The following MGAT4C variants were observed in gnomAD, a reference collection of about 807,000 sequenced individuals.
MGAT4C encodes MGAT4 family member C, also known as alpha-1,3-mannosyl-glycoprotein 4-beta-N-acetylglucosaminyltransferase C.
In MGAT4C, 19 loss-of-function variants were observed where a neutral mutation model predicts 40.1. The ratio of observed to expected loss-of-function variants is 0.47; its 90% confidence interval spans 0.33 to 0.70. The LOEUF (loss-of-function observed/expected upper bound fraction) is 0.70, where lower values mean the gene tolerates loss of function less well. Ranked by LOEUF, MGAT4C falls within the 30% of genes least tolerant of loss-of-function variation. The pLI is 0.02. For missense variants in MGAT4C, 491 were observed against 563.2 expected (o/e 0.87, Z 1.30); for synonymous variants, 181 against 187.1 (o/e 0.97, Z 0.27).
At chr12:86,765,322 A>T (rs988661323) in intron 1 of MGAT4C, among the ~76,000 whole-genome samples, 10 of 152,162 alleles carry the variant, frequency 6.6e-5, no homozygotes, top group Admixed American at 2.0e-4. Context: ...GAGAAAAAAG[A>T]ATAAAAAGAA....
At chr12:86,264,310 T>C (rs1031536906) in intron 4 of MGAT4C, among the ~76,000 whole-genome samples, 4 of 152,224 alleles carry the variant, frequency 2.6e-5, no homozygotes, top group African/African-American at 7.2e-5. Flanking sequence ...GCTTCAAGTC[T>C]TATGTTTATG....
intron 4 of MGAT4C, among the ~76,000 whole-genome samples, chr12:86,264,250 G>A (rs1952729994): frequency 6.6e-6 from 1 of 152,134 alleles, no homozygotes; most frequent in Non-Finnish European, 1.5e-5. Context: ...TATTTGCCTA[G>A]ACCAATATCC....
rs963942883 is a variant in MGAT4C at position 85,967,021 on chromosome 12, T to G, written c.*12268A>C. 1 of 152,162 alleles carries G rather than the reference T, an allele frequency of 6.6e-6. No individual in the cohort carries two copies. The highest frequency in any genetic ancestry group is 2.4e-5 in the African/African-American group (1 of 41,436). 9.4% of individuals were successfully genotyped at this position (152,162 alleles called of 1,614,324 possible). A position where few individuals can be genotyped will look rare whatever the true frequency, so the allele number is the denominator to read the frequency against. On this transcript the variant is annotated 3_prime_UTR_variant, in exon 5 of 5. Coordinates refer to ENST00000611864, the MANE Select transcript of MGAT4C (RefSeq NM_001351288.2). ...GTAACAAACCTGCAAGTTGTGCACA[T>G]GTACCCTAAAACTTAAAGTATAATA...
At chr12:86,015,586 G>A (rs553312170) in intron 2 of MGAT4C, 1 of 152,238 alleles carries the variant, frequency 6.6e-6, no homozygotes, top group East Asian at 1.9e-4. Flanking sequence ...GTAAGTCTGG[G>A]ATTGCTTGAG....
chr12:86,755,593 T>A, intron 1 of MGAT4C, among the ~76,000 whole-genome samples: 1 of 151,726 alleles, frequency 6.6e-6, no homozygotes, highest in African/African-American at 2.4e-5. Flanking sequence ...CTTTTCTTTC[T>A]CTCTTTCTCT....
intron 2 of MGAT4C, among the ~76,000 whole-genome samples, chr12:86,534,043 T>C (rs529352094): frequency 3.3e-5 from 5 of 152,208 alleles, no homozygotes; most frequent in East Asian, 1.9e-4. Context: ...TTGATATATA[T>C]TGAAATGGCC....
chr12:86,478,006 T>C (rs374380483), intron 2 of MGAT4C, among the ~76,000 whole-genome samples: 2 of 151,880 alleles, frequency 1.3e-5, no homozygotes, highest in East Asian at 3.9e-4. Context: ...CTACTTTACT[T>C]CCGAATTTTC....
chr12:86,700,887 TATTG>T (rs1033660581), intron 2 of MGAT4C, among the ~76,000 whole-genome samples: 11 of 152,136 alleles, frequency 7.2e-5, no homozygotes, highest in African/African-American at 2.4e-4. Context: ...AATTAAGCTT[TATTG>T]ATAGTAGAGA....
intron 4 of MGAT4C, among the ~76,000 whole-genome samples, chr12:86,327,966 ATGT>A (rs1306240071): frequency 6.6e-6 from 1 of 152,054 alleles, no homozygotes; most frequent in Non-Finnish European, 1.5e-5. Flanking sequence ...AGATAGCAAA[ATGT>A]TGTTGCATTG....
At chr12:86,062,174 A>G (rs1894050867) in intron 1 of MGAT4C, among the ~76,000 whole-genome samples, 1 of 152,186 alleles carries the variant, frequency 6.6e-6, no homozygotes, top group African/African-American at 2.4e-5. Flanking sequence ...CTTCCAGAGA[A>G]AGTAACAGGC....
At chr12:86,827,272 C>G (rs1445049664) in intron 1 of MGAT4C, among the ~76,000 whole-genome samples, 1 of 151,370 alleles carries the variant, frequency 6.6e-6, no homozygotes, top group Non-Finnish European at 1.5e-5. Context: ...AATTAGAATG[C>G]AAAATCCTTT....
At chr12:85,985,842 T>C (rs1251521000) in intron 3 of MGAT4C, among the ~76,000 whole-genome samples, 2 of 152,174 alleles carry the variant, frequency 1.3e-5, no homozygotes, top group South Asian at 2.1e-4. Context: ...TTAATAGTAA[T>C]GTAGTGATGT....
At chr12:86,735,260 C>T (rs572100006) in intron 1 of MGAT4C, among the ~76,000 whole-genome samples, 1 of 151,812 alleles carries the variant, frequency 6.6e-6, no homozygotes, top group African/African-American at 2.4e-5. Context: ...AGGGAGATGA[C>T]TAATCCCGAG....
chr12:86,404,950 A>C (rs1455333346), intron 3 of MGAT4C, among the ~76,000 whole-genome samples: 3 of 152,078 alleles, frequency 2.0e-5, no homozygotes, highest in African/African-American at 7.2e-5. Flanking sequence ...ACTTCCTTGG[A>C]TCTTCCTAGT....
chr12:86,124,597 T>C (rs892625211), intron 1 of MGAT4C, among the ~76,000 whole-genome samples: 4 of 152,000 alleles, frequency 2.6e-5, no homozygotes, highest in Non-Finnish European at 4.4e-5. Context: ...ATGTGGCTCA[T>C]AAAATTTCGG....
intron 1 of MGAT4C, among the ~76,000 whole-genome samples, chr12:86,781,319 CTT>C (rs924957902): frequency 6.7e-6 from 1 of 148,302 alleles, no homozygotes; most frequent in African/African-American, 2.5e-5. Context: ...TCATCAACAA[CTT>C]TTTTTTTTGA....
At chr12:86,427,974 C>T (rs577889230) in intron 3 of MGAT4C, among the ~76,000 whole-genome samples, 1 of 152,062 alleles carries the variant, frequency 6.6e-6, no homozygotes, top group South Asian at 2.1e-4. Context: ...GAGCTGAGAT[C>T]GTGTCCCTGC....
At position 86,607,993 on chromosome 12, in the gene MGAT4C, T is replaced by A. The variant is rs1411321012; in HGVS notation, c.-229+119216A>T. Among the ~76,000 whole-genome samples the A allele has an allele frequency of 4.6e-5, 7 of 152,026 alleles. No individual in the cohort carries two copies. The East Asian group carries it at 9.7e-4, about 21-fold the overall frequency. On this transcript the variant is annotated intron_variant, in intron 2 of 7. Coordinates refer to the MGAT4C transcript ENST00000548651. ...TCAAGCAATCCTTCTCCCTCAGCCT[T>A]CCAAAAAGCCGAGAAACATCAATAT...
At chr12:86,184,826 C>T (rs778607210) in intron 1 of MGAT4C, among the ~76,000 whole-genome samples, 1 of 147,442 alleles carries the variant, frequency 6.8e-6, no homozygotes, top group African/African-American at 2.5e-5. Flanking sequence ...CCAGACCAAA[C>T]AGAATGCAGT....
Sources: allele counts gnomAD v4.1 joint callset (sites outside exome capture counted in the v4.1 genomes callset), GRCh38; gene constraint gnomAD v4.1.1; transcripts MANE v1.5; gene names NCBI Gene and HGNC (gene_info 2026-07-23, HGNC 2026-07-21).